PRKCB: variants seen among roughly 807,000 people sequenced by gnomAD.
PRKCB encodes protein kinase C beta type.
PRKCB carries 13 observed loss-of-function variants against 81.5 expected under a neutral mutation model. The ratio of observed to expected loss-of-function variants is 0.16; its 90% CI spans 0.10 to 0.25. The LOEUF (loss-of-function observed/expected upper bound fraction) is 0.25, where lower values mean the gene tolerates loss of function less well. PRKCB is among the 10% of genes least tolerant of loss of function. The probability of loss-of-function intolerance (pLI) is 1.00; values close to 1 mark genes in which losing one functional copy is unlikely to be tolerated. For synonymous variants in PRKCB, 335 were observed against 321.4 expected, an observed-to-expected ratio of 1.04 and a Z score of -0.45; for missense variants, 509 against 875.7, an observed-to-expected ratio of 0.58 and a Z score of 5.29.
chr16:24,038,347 A>C (rs1965650093), intron 5 of PRKCB, among the ~76,000 whole-genome samples: 1 of 152,230 alleles, frequency 6.6e-6, no homozygotes, highest in Admixed American at 6.5e-5. Flanking sequence ...GTAGGATTTC[A>C]TTTCTTTGGG....
chr16:24,080,583 T>C (rs1013057733), intron 5 of PRKCB, among the ~76,000 whole-genome samples: 2 of 152,120 alleles, frequency 1.3e-5, no homozygotes, highest in Non-Finnish European at 2.9e-5. Flanking sequence ...GGACATCCAG[T>C]ACAAGATAAC....
intron 2 of PRKCB, among the ~76,000 whole-genome samples, chr16:23,874,976 A>G (rs1020878133): frequency 6.7e-6 from 1 of 150,126 alleles, no homozygotes; most frequent in African/African-American, 2.5e-5. Context: ...CAGCCTGATC[A>G]CCCATCTTTT....
At chr16:24,051,065 C>T (rs1965835724) in intron 5 of PRKCB, among the ~76,000 whole-genome samples, 1 of 152,162 alleles carries the variant, frequency 6.6e-6, no homozygotes, top group South Asian at 2.1e-4. Context: ...GTCTTCCGGA[C>T]ATCACCTTCC....
chr16:23,995,543 C>G (rs1325964187), intron 3 of PRKCB, among the ~76,000 whole-genome samples: 3 of 152,144 alleles, frequency 2.0e-5, no homozygotes, highest in Non-Finnish European at 4.4e-5. Context: ...TTCGTGGAAA[C>G]TGACGATTTG....
intron 2 of PRKCB, among the ~76,000 whole-genome samples, chr16:23,952,431 C>T (rs1460155624): frequency 6.6e-6 from 1 of 152,096 alleles, no homozygotes; most frequent in African/African-American, 2.4e-5. Context: ...CTCAGAGGAC[C>T]TGTGTATGTG....
intron 16 of PRKCB, among the ~76,000 whole-genome samples, chr16:24,202,907 G>C (rs1967981359): frequency 4.0e-5 from 6 of 151,224 alleles, no homozygotes; most frequent in Admixed American, 3.9e-4. Flanking sequence ...AGTCTGTTTT[G>C]TGCTGCTATA....
chr16:23,839,502 T>TTA (rs1388119861), intron 2 of PRKCB, among the ~76,000 whole-genome samples: 8 of 152,198 alleles, frequency 5.3e-5, no homozygotes, highest in African/African-American at 9.6e-5. Context: ...CTTGAACTCC[T>TTA]GGCTTCAAGC....
chr16:24,012,234 G>A (rs180677787), intron 3 of PRKCB, among the ~76,000 whole-genome samples: 3 of 152,310 alleles, frequency 2.0e-5, no homozygotes, highest in Admixed American at 2.0e-4. Context: ...TATGCCACGT[G>A]CTGTTCTAAG....
In PRKCB at chr16:24,113,393, C is replaced by T. The variant is rs1474571723; in HGVS notation, c.918+324C>T. On this transcript the variant is annotated intron_variant, in intron 8 of 16. Transcript: ENST00000643927. ...CCTTCCTTCCTTCCTGCCTTCCTTC[C>T]TCTCTCTTTCTCTTTCCCTCTCATT... is the stretch of plus-strand genomic sequence containing the variant. Among the ~76,000 whole-genome samples, 5 of 148,216 alleles carry T rather than the reference C, an allele frequency of 3.4e-5. No homozygotes were observed. The East Asian group carries it at 7.9e-4, about 24-fold the overall frequency.
chr16:24,178,546 G>A (rs1375434457), intron 12 of PRKCB, among the ~76,000 whole-genome samples: 1 of 152,206 alleles, frequency 6.6e-6, no homozygotes, highest in Non-Finnish European at 1.5e-5. Context: ...GTCACTATTA[G>A]AGAAATCACA....
rs3826258 is a variant in PRKCB at position 23,892,231 on chromosome 16, C to G, written c.205+54825C>G. 2.1e-3 allele frequency among the ~76,000 whole-genome samples: 175 copies of G among 84,456 alleles called. 1 individual carries two copies. Among genetic ancestry groups the G allele is most frequent in the Non-Finnish European group, 3.8e-3 (138 of 35,974 alleles). 55.4% of individuals were successfully genotyped at this position (84,456 alleles called of 152,430 possible). On this transcript the variant is annotated intron_variant, in intron 2 of 16. Transcript: ENST00000643927. Reference sequence around the variant, plus strand: ...TAGACAGATGTGTTGAGAAAACTTACATTTTTTTTCTCCATCCGTCTCAAT... The same window carrying G: ...TAGACAGATGTGTTGAGAAAACTTAGATTTTTTTTCTCCATCCGTCTCAAT...
chr16:24,112,169 A>G (rs898186271), intron 7 of PRKCB, among the ~76,000 whole-genome samples: 2 of 152,252 alleles, frequency 1.3e-5, no homozygotes, highest in African/African-American at 4.8e-5. Context: ...ACCTAAATGC[A>G]GTTGAGTGCC....
chr16:24,118,691 T>C (rs1966763194), intron 8 of PRKCB, among the ~76,000 whole-genome samples: 1 of 152,212 alleles, frequency 6.6e-6, no homozygotes, highest in African/African-American at 2.4e-5. Context: ...CTCTTAGCAT[T>C]GAGTTCTAGG....
chr16:24,201,842 T>A (rs929667712), intron 16 of PRKCB, among the ~76,000 whole-genome samples: 1 of 152,062 alleles, frequency 6.6e-6, no homozygotes, highest in Non-Finnish European at 1.5e-5. Flanking sequence ...GAGACCATCT[T>A]GGCTAACACG....
Position 24,185,556 on chromosome 16 carries a change from A to T in PRKCB, c.1711A>T (p.Ile571Phe), listed in dbSNP as rs1269111297. Residue 571 changes from isoleucine (I) to phenylalanine (F), a missense_variant, in exon 15 of 17, where the codon ATC becomes TTC. By Grantham distance (21) the Ile-to-Phe change is conservative. Around this residue, in one of 6 missense-constraint regions of PRKCB, gnomAD observed 104 missense variants for 160.5 expected, o/e 0.65. Coordinates refer to ENST00000643927, the MANE Select transcript of PRKCB (RefSeq NM_002738.7). ...GTCTATGTCCAAGGAAGCTGTGGCC[A>T]TCTGCAAAGGGGTAAGTGCATCTCT... ...PKSMSKEAVAICKGLMTKHPG... is the reference protein window; with the variant it reads ...PKSMSKEAVAFCKGLMTKHPG... 5.6e-6 allele frequency: 9 copies of T among 1,613,216 alleles called. No homozygotes were observed. Among genetic ancestry groups the T allele is most frequent in the African/African-American group, 1.3e-5 (1 of 74,906 alleles).
intron 2 of PRKCB, among the ~76,000 whole-genome samples, chr16:23,877,191 A>AG (rs1360709083): frequency 1.2e-4 from 18 of 152,178 alleles, no homozygotes; most frequent in African/African-American, 4.3e-4. Flanking sequence ...CCTTAAAAAA[A>AG]AACAGTAGCC....
intron 4 of PRKCB, among the ~76,000 whole-genome samples, chr16:24,034,386 A>G (rs1965587063): frequency 6.6e-6 from 1 of 152,200 alleles, no homozygotes; most frequent in Non-Finnish European, 1.5e-5. Context: ...TGGCTTCTCC[A>G]ACTGGAACTA....
At chr16:23,928,903 G>C (rs1250352409) in intron 2 of PRKCB, among the ~76,000 whole-genome samples, 2 of 151,930 alleles carry the variant, frequency 1.3e-5, no homozygotes, top group Non-Finnish European at 2.9e-5. Context: ...ATTTTTAGTA[G>C]AGACGGGGTT....
intron 2 of PRKCB, among the ~76,000 whole-genome samples, chr16:23,949,584 A>C (rs927811267): frequency 1.3e-5 from 2 of 152,016 alleles, no homozygotes; most frequent in African/African-American, 4.8e-5. Context: ...ATTTTTGAGC[A>C]CCTATTGTTA....
Sources: gnomAD v4.1 joint callset for allele counts (sites outside exome capture counted in the v4.1 genomes callset) on GRCh38, gnomAD v4.1.1 for gene constraint, gnomAD v4.1.1 regional missense constraint, MANE v1.5 for transcripts, NCBI Gene and HGNC (gene_info 2026-07-23, HGNC 2026-07-21) for gene names.